POGLUT2: variants seen among roughly 807,000 people sequenced by gnomAD.
POGLUT2 encodes the protein protein O-glucosyltransferase 2.
Under a neutral mutation model 57.6 loss-of-function variants are expected in POGLUT2, and 47 were observed. That is an observed-to-expected ratio of 0.82 (90% CI 0.65 to 1.04). The LOEUF is 1.04. Ranked by LOEUF, POGLUT2 falls within the 50% of genes least tolerant of loss-of-function variation. The pLI is 0.00. For missense variants in POGLUT2, 565 were observed against 614.8 expected (o/e 0.92, Z 0.86); for synonymous variants, 200 against 218.8 (o/e 0.91, Z 0.76).
intron 6 of POGLUT2, 123 bp downstream of exon 6, chr13:102,790,778 C>T: frequency 1.4e-6 from 1 of 689,728 alleles, no homozygotes. Context: ...TCTCAATATT[C>T]GCTCAATTTT....
chr13:102,784,924 G>T (rs1877877391), intron 9 of POGLUT2, among the ~76,000 whole-genome samples: 1 of 152,202 alleles, frequency 6.6e-6, no homozygotes, highest in South Asian at 2.1e-4. Context: ...CAAGGAAGCT[G>T]CCAGTCTCAC....
intron 2 of POGLUT2, among the ~76,000 whole-genome samples, chr13:102,794,927 TA>T (rs1209869357): frequency 7.2e-6 from 1 of 138,930 alleles, no homozygotes; most frequent in East Asian, 2.2e-4. Context: ...AAGGAACTGC[TA>T]TTCTTTTTTT....
chr13:102,793,566 A>G, intron 3 of POGLUT2, 35 bp downstream of exon 3: 2 of 1,564,398 alleles, frequency 1.3e-6, no homozygotes, highest in Non-Finnish European at 1.8e-6. Flanking sequence ...AAAAAAAATC[A>G]CTAAAACAAA....
At chr13:102,787,582 A>G (rs943652979) in intron 8 of POGLUT2, among the ~76,000 whole-genome samples, 2 of 152,194 alleles carry the variant, frequency 1.3e-5, no homozygotes, top group African/African-American at 4.8e-5. Context: ...TCAGAGGCCA[A>G]TTTCTTAGTC....
intron 1 of POGLUT2, among the ~76,000 whole-genome samples, chr13:102,797,503 AGAC>A (rs1312087582): frequency 7.2e-5 from 11 of 152,118 alleles, no homozygotes; most frequent in Non-Finnish European, 1.5e-4. Context: ...CAAGGAGGGA[AGAC>A]TGCTTGAGGC....
chr13:102,798,435 A>AGAAACAGATTTAACC, intron 1 of POGLUT2, 54 bp downstream of exon 1: 1 of 1,468,926 alleles, frequency 6.8e-7, no homozygotes, highest in Non-Finnish European at 9.2e-7. Flanking sequence ...TCTTAAAGGG[A>AGAAACAGATTTAACC]GAAACAGATT....
chr13:102,789,017 C>G lies in POGLUT2; in HGVS notation c.1288G>C (p.Glu430Gln). ...EKLKWAKDHD[E>Q]EAKKIAKAGQ... ...TTCAAGGGGACTAACCTTACCTCTT[C>G]ATCGTGATCTTTCGCCCATTTAAGT... Residue 430 changes from glutamate (E) to glutamine (Q), a missense_variant, in exon 7 of 10, where the codon GAA (glutamate) becomes CAA (glutamine). Glu to Gln is a conservative substitution (Grantham distance 29). Transcript: ENST00000376004. 6.2e-7 allele frequency: 1 copy of G among 1,613,222 alleles called. No homozygotes were observed. Among genetic ancestry groups the G allele is most frequent in the Non-Finnish European group, 8.5e-7 (1 of 1,179,438 alleles).
intron 9 of POGLUT2, among the ~76,000 whole-genome samples, chr13:102,785,266 T>C (rs1207795625): frequency 2.6e-5 from 4 of 152,186 alleles, no homozygotes; most frequent in Admixed American, 6.6e-5. Flanking sequence ...ATCAGTGAGC[T>C]CATATAAGCT....
chr13:102,787,876 G>T lies in POGLUT2; in HGVS notation c.1341C>A (p.Leu447=). 6.3e-7 allele frequency: 1 copy of T among 1,593,718 alleles called. No individual in the cohort carries two copies. The highest frequency in any genetic ancestry group is 8.6e-7 in the Non-Finnish European group (1 of 1,166,078). Residue 447 remains leucine, a synonymous_variant, in exon 8 of 10, where the codon CTC becomes CTA. Coordinates refer to ENST00000376004, the MANE Select transcript of POGLUT2 (RefSeq NM_024089.3). Reference sequence around the variant, plus strand: ...AATAACAGAATATGTCATCGCCCATGAGATTATTTCTTGCAAATTCTTGTC... The same window carrying T: ...AATAACAGAATATGTCATCGCCCATTAGATTATTTCTTGCAAATTCTTGTC... ...KAGQEFARNN[L]MGDDIFCYYF...
chr13:102,798,755 C>T lies in POGLUT2; in HGVS notation c.-85G>A. ...GAAGCAGCCGAGCCTTCGGCAGGGA[C>T]CCGCCGGCCGATCGCAGCAGCCAAC... On this transcript the variant is annotated 5_prime_UTR_variant, in exon 1 of 10. Coordinates refer to ENST00000376004, the MANE Select transcript of POGLUT2 (RefSeq NM_024089.3). The T allele has an allele frequency of 7.4e-7, 1 of 1,354,082 alleles. No homozygotes were observed. Among genetic ancestry groups the T allele is most frequent in the Non-Finnish European group, 9.8e-7 (1 of 1,019,934 alleles). The allele number at this position is 1,354,082 out of a possible 1,614,324, so 83.9% of individuals were successfully genotyped here.
intron 2 of POGLUT2, among the ~76,000 whole-genome samples, chr13:102,794,619 T>C (rs1275609805): frequency 6.6e-6 from 1 of 152,156 alleles, no homozygotes; most frequent in African/African-American, 2.4e-5. Context: ...GAGCGGAGAT[T>C]GTGCCACTGT....
At chr13:102,792,446 C>T (rs1175037391) in intron 4 of POGLUT2, among the ~76,000 whole-genome samples, 1 of 152,154 alleles carries the variant, frequency 6.6e-6, no homozygotes, top group African/African-American at 2.4e-5. Flanking sequence ...TATGATAAGG[C>T]ATTTTTCTTT....
Position 102,793,726 on chromosome 13 carries a change from T to C in POGLUT2, c.469A>G (p.Ile157Val), listed in dbSNP as rs1380831083. 1 of 1,614,168 alleles carries C rather than the reference T, an allele frequency of 6.2e-7. No individual in the cohort carries two copies. Among genetic ancestry groups the C allele is most frequent in the Non-Finnish European group, 8.5e-7 (1 of 1,180,000 alleles). Residue 157 changes from isoleucine (I) to valine (V), a missense_variant, in exon 3 of 10, where the codon ATT (isoleucine) becomes GTT (valine). Transcript: ENST00000376004. ...WLREMNCPET[I>V]AQIQRDLAHF... The stretch of plus-strand genomic sequence containing the variant: ...GCCAGATCTCTCTGAATCTGAGCAA[T>C]GGTTTCAGGGCAGTTCATCTCCCGT...
At chr13:102,795,492 G>A (rs946494648) in intron 2 of POGLUT2, among the ~76,000 whole-genome samples, 18 of 152,120 alleles carry the variant, frequency 1.2e-4, no homozygotes, top group Admixed American at 2.0e-4. Context: ...GAACCCAGGA[G>A]GTCGAGGCTG....
intron 6 of POGLUT2, among the ~76,000 whole-genome samples, chr13:102,789,649 G>A (rs1045682025): frequency 6.6e-6 from 1 of 152,204 alleles, no homozygotes; most frequent in Non-Finnish European, 1.5e-5. Flanking sequence ...TCAGGCTGGA[G>A]TGTAGTGGCG....
In POGLUT2 at chr13:102,784,450, A is replaced by C. The variant is rs183949385; in HGVS notation, c.*45T>G. On this transcript the variant is annotated 3_prime_UTR_variant, in exon 10 of 10. Transcript: ENST00000376004. ...AAAAAATTCTTCTTTTTAGTTAAGAAGAGTCTTCAGAGCACCATTATTCTA... is the reference window on the plus strand; with the variant it reads ...AAAAAATTCTTCTTTTTAGTTAAGACGAGTCTTCAGAGCACCATTATTCTA... 3 of 1,226,186 alleles carry C rather than the reference A, an allele frequency of 2.4e-6. No homozygotes were observed. In the African/African-American group the frequency reaches 4.6e-5, roughly 19 times the overall value. The allele number at this position is 1,226,186 out of a possible 1,614,324, so 76.0% of individuals were successfully genotyped here.
Position 102,798,771 on chromosome 13 carries a change from A to T in POGLUT2, c.-101T>A, listed in dbSNP as rs1878556138. ...CGGCAGGGACCCGCCGGCCGATCGC[A>T]GCAGCCAACGCGACTGCAAAGGTTG... On this transcript the variant is annotated 5_prime_UTR_variant, in exon 1 of 10. Transcript: ENST00000376004. 3 of 1,246,532 alleles carry T rather than the reference A, an allele frequency of 2.4e-6. No homozygotes were observed. The highest frequency in any genetic ancestry group is 3.2e-6 in the Non-Finnish European group (3 of 924,438). 77.2% of individuals were successfully genotyped at this position (1,246,532 alleles called of 1,614,324 possible).
intron 1 of POGLUT2, among the ~76,000 whole-genome samples, 179 bp from the exon 2 acceptor site, chr13:102,797,188 A>G (rs1218262805): frequency 6.6e-6 from 1 of 152,236 alleles, no homozygotes; most frequent in East Asian, 1.9e-4. Context: ...AGAGATTTAA[A>G]AAAATGAGGA....
In POGLUT2 at chr13:102,798,619, G is replaced by C; in HGVS notation, c.52C>G (p.Leu18Val). 1 of 1,612,212 alleles carries C rather than the reference G, an allele frequency of 6.2e-7. No homozygotes were observed. The highest frequency in any genetic ancestry group is 2.2e-5 in the East Asian group (1 of 44,746). ...YCFFLATVPALAETGGERQLS... is the reference protein window; with the variant it reads ...YCFFLATVPAVAETGGERQLS... ...TGCCTTTCTCCGCCGGTCTCGGCGA[G>C]TGCTGGAACTGTCGCCAGAAAGAAG... is the stretch of plus-strand genomic sequence containing the variant. Residue 18 changes from leucine to valine, a missense_variant, in exon 1 of 10, where the codon CTC becomes GTC. By Grantham distance (32) the Leu-to-Val change is conservative. Transcript: ENST00000376004.
Sources: allele counts gnomAD v4.1 joint callset (sites outside exome capture counted in the v4.1 genomes callset), GRCh38; gene constraint gnomAD v4.1.1; transcripts MANE v1.5; gene names NCBI Gene and HGNC (gene_info 2026-07-23, HGNC 2026-07-21).